The following ACYP2 variants were observed in gnomAD, a reference collection of about 807,000 sequenced individuals.
ACYP2 encodes the protein acylphosphatase 2.
Under a neutral mutation model 11.2 loss-of-function variants are expected in ACYP2, and 12 were observed. That is an observed-to-expected ratio of 1.08 (90% CI 0.69 to 1.74). The LOEUF (loss-of-function observed/expected upper bound fraction) is 1.74, where lower values mean the gene tolerates loss of function less well. Ranked by LOEUF, ACYP2 falls within the 40% of genes most tolerant of loss-of-function variation. ACYP2 has a pLI of 0.00. For missense variants in ACYP2, 134 were observed against 101.9 expected, an observed-to-expected ratio of 1.31 and a Z score of -1.35; for synonymous variants, 43 against 32.2, an observed-to-expected ratio of 1.33 and a Z score of -1.13.
chr2:54,133,305 G>A lies in ACYP2; in HGVS notation c.278-2148G>A, dbSNP rs115502041. 1.2e-3 allele frequency among the ~76,000 whole-genome samples: 181 copies of A among 152,188 alleles called. 1 individual carries two copies. Among genetic ancestry groups the A allele is most frequent in the African/African-American group, 4.2e-3 (176 of 41,508 alleles). ...ATACGTGTTGTTGCTTGTATCCCTG[G>A]TTCATTCCTTTTTATTGCTGCAGCT... On this transcript the variant is annotated intron_variant, in intron 4 of 6. Coordinates refer to ENST00000607452, the MANE Select transcript of ACYP2 (RefSeq NM_001320586.2).
At chr2:54,242,249 A>G (rs1686758707) in intron 6 of ACYP2, among the ~76,000 whole-genome samples, 1 of 152,218 alleles carries the variant, frequency 6.6e-6, no homozygotes, top group Non-Finnish European at 1.5e-5. Flanking sequence ...TTTGTCATCT[A>G]TACAACGTCA....
chr2:54,257,406 G>A (rs843702), intron 6 of ACYP2, among the ~76,000 whole-genome samples: 68,960 of 152,030 alleles, frequency 0.45, 16,147 homozygotes, highest in South Asian at 0.56. Flanking sequence ...GTTTCTGTCA[G>A]AAGTGACATA....
chr2:54,065,154 G>T (rs76428808), intron 4 of ACYP2, among the ~76,000 whole-genome samples: 4 of 152,110 alleles, frequency 2.6e-5, no homozygotes, highest in Non-Finnish European at 4.4e-5. Flanking sequence ...GATGATGTTG[G>T]CTTAGAGTAG....
intron 4 of ACYP2, among the ~76,000 whole-genome samples, chr2:54,120,176 C>T (rs35641543): frequency 0.092 from 13,983 of 151,968 alleles, 783 homozygotes; most frequent in Non-Finnish European, 0.13. Flanking sequence ...TTTTCTCTCT[C>T]TCTTTTCATC....
chr2:54,155,800 G>A (rs747224255), intron 6 of ACYP2, among the ~76,000 whole-genome samples: 13 of 152,000 alleles, frequency 8.6e-5, no homozygotes, highest in Non-Finnish European at 1.5e-4. Flanking sequence ...TTTAAATTTC[G>A]CTTTTGATTT....
intron 6 of ACYP2, chr2:54,143,198 G>C (rs1572849426): frequency 6.6e-6 from 1 of 152,302 alleles, no homozygotes; most frequent in East Asian, 1.9e-4. Context: ...AGGCATGCCT[G>C]TTTGGTTTCT....
rs141494140 is a variant in ACYP2, at chr2:54,076,281, T to G, written c.277+18921T>G. On this transcript the variant is annotated intron_variant, in intron 4 of 6. Coordinates refer to ENST00000607452, the MANE Select transcript of ACYP2 (RefSeq NM_001320586.2). ...GGGAAGTCCAAAGAGAACTTCAAAC[T>G]TATCTGCATTGTATTTAAAATTTAT... Among the ~76,000 whole-genome samples, 106 of 152,352 alleles carry G rather than the reference T, an allele frequency of 7.0e-4. No individual in the cohort carries two copies. The East Asian group carries it at 0.019, about 27-fold the overall frequency.
intron 6 of ACYP2, among the ~76,000 whole-genome samples, chr2:54,216,803 C>T (rs1685578222): frequency 6.6e-6 from 1 of 152,204 alleles, no homozygotes; most frequent in East Asian, 1.9e-4. Flanking sequence ...TTCCAAAGTG[C>T]TGGAATTACA....
chr2:54,232,745 G>A (rs998988575), intron 6 of ACYP2, among the ~76,000 whole-genome samples: 5 of 152,060 alleles, frequency 3.3e-5, no homozygotes, highest in South Asian at 2.1e-4. Flanking sequence ...CTTACATGGC[G>A]GCAAGAGAGG....
At chr2:54,184,279 G>A (rs1332356044) in intron 6 of ACYP2, among the ~76,000 whole-genome samples, 2 of 152,140 alleles carry the variant, frequency 1.3e-5, no homozygotes, top group East Asian at 3.8e-4. Flanking sequence ...CAAGAGAATG[G>A]ATATTTAGCA....
At chr2:53,989,227 A>T (rs1342227103) in intron 2 of ACYP2, among the ~76,000 whole-genome samples, 1 of 151,974 alleles carries the variant, frequency 6.6e-6, no homozygotes, top group Non-Finnish European at 1.5e-5. Context: ...CCAATACTTA[A>T]ATAAGAAGAC....
At chr2:54,221,004 G>A (rs1685776586) in intron 6 of ACYP2, among the ~76,000 whole-genome samples, 2 of 152,240 alleles carry the variant, frequency 1.3e-5, no homozygotes, top group African/African-American at 4.8e-5. Context: ...GCTTTGGTCA[G>A]TGGAATGAAT....
intron 6 of ACYP2, among the ~76,000 whole-genome samples, chr2:54,154,630 A>G (rs1016433307): frequency 2.6e-5 from 4 of 152,110 alleles, no homozygotes; most frequent in African/African-American, 9.7e-5. Flanking sequence ...ATTCCACTTG[A>G]TCATGGTGAA....
intron 6 of ACYP2, among the ~76,000 whole-genome samples, chr2:54,297,501 C>A (rs1232781822): frequency 6.6e-6 from 1 of 151,638 alleles, no homozygotes; most frequent in African/African-American, 2.4e-5. Context: ...CCCATCTCAA[C>A]AACAAAAAAT....
intron 4 of ACYP2, among the ~76,000 whole-genome samples, chr2:54,114,585 G>A (rs57940005): frequency 0.081 from 12,379 of 152,164 alleles, 665 homozygotes; most frequent in East Asian, 0.29. Flanking sequence ...TTGGAAGGCT[G>A]AGGCAGGACA....
chr2:54,134,524 C>G (rs1326443536), intron 4 of ACYP2, among the ~76,000 whole-genome samples: 1 of 152,008 alleles, frequency 6.6e-6, no homozygotes, highest in East Asian at 1.9e-4. Flanking sequence ...CTCAACTGTA[C>G]CTGTAATAAC....
At chr2:54,134,286 T>G (rs1681095589) in intron 4 of ACYP2, among the ~76,000 whole-genome samples, 1 of 152,010 alleles carries the variant, frequency 6.6e-6, no homozygotes, top group Non-Finnish European at 1.5e-5. Context: ...AGCAAGACCC[T>G]GTCTCTAAAA....
chr2:54,052,626 T>C (rs1675930165), intron 3 of ACYP2, among the ~76,000 whole-genome samples: 1 of 152,192 alleles, frequency 6.6e-6, no homozygotes, highest in East Asian at 1.9e-4. Flanking sequence ...GTAAATACAA[T>C]TTTAAAAATG....
chr2:54,097,927 C>T (rs1393995396), intron 4 of ACYP2, among the ~76,000 whole-genome samples: 3 of 122,910 alleles, frequency 2.4e-5, no homozygotes, highest in East Asian at 2.0e-4. Context: ...TTCTTTCTTC[C>T]TCCCCCTCCT....
Sources: allele counts gnomAD v4.1 joint callset (sites outside exome capture counted in the v4.1 genomes callset), GRCh38; gene constraint gnomAD v4.1.1; transcripts MANE v1.5; gene names NCBI Gene and HGNC (gene_info 2026-07-23, HGNC 2026-07-21).